The following MORC1 variants were observed in gnomAD, a reference collection of about 807,000 sequenced individuals.
MORC1 encodes the protein MORC family CW-type zinc finger protein 1.
A neutral mutation model predicts 134.9 loss-of-function variants in MORC1; 59 were observed. The observed-to-expected ratio is 0.44, with a 90% CI of 0.35 to 0.54. The LOEUF is 0.54. Among genes scored for constraint, MORC1 ranks in the 20% least tolerant of loss-of-function variants. The pLI, the probability that MORC1 is intolerant of heterozygous loss-of-function variation, is 0.00. For synonymous variants in MORC1, 395 were observed against 391.7 expected (o/e 1.01, Z -0.10); for missense variants, 947 against 1,134.5 (o/e 0.83, Z 2.37).
chr3:109,111,465 G>C, intron 2 of MORC1, among the ~76,000 whole-genome samples: 1 of 152,120 alleles, frequency 6.6e-6, no homozygotes, highest in East Asian at 1.9e-4. Flanking sequence ...CCTCTTCTAG[G>C]TGATGAGAGT....
intron 14 of MORC1, among the ~76,000 whole-genome samples, chr3:109,042,321 T>C (rs1407501494): frequency 6.6e-6 from 1 of 152,188 alleles, no homozygotes; most frequent in African/African-American, 2.4e-5. Context: ...CCAACACGTA[T>C]ATATTTTTTA....
At chr3:109,113,408 G>A (rs1020530045) in intron 2 of MORC1, among the ~76,000 whole-genome samples, 2 of 152,090 alleles carry the variant, frequency 1.3e-5, no homozygotes, top group Non-Finnish European at 2.9e-5. Context: ...TGGATGGCTG[G>A]TTAATTGACT....
Position 109,099,414 on chromosome 3 carries a change from T to A in MORC1, c.367A>T (p.Thr123Ser), listed in dbSNP as rs1156648861. Residue 123 changes from threonine to serine, a missense_variant, in exon 6 of 28, where the codon ACG becomes TCG. Physicochemically the swap from Thr to Ser is moderately conservative, Grantham distance 58. This residue lies in a region of MORC1 where 214 missense variants were observed against 281.3 expected (regional missense o/e 0.76). Coordinates refer to ENST00000232603, the MANE Select transcript of MORC1 (RefSeq NM_014429.4). ...DFILFTKKEETMTCVFFSQTF... is the reference protein window; with the variant it reads ...DFILFTKKEESMTCVFFSQTF... Reference sequence around the variant, plus strand: ...TGAGAAAAAAACACACAGGTCATCGTTTCTTCCTTCTTCGTAAAAAGAATA... The same window carrying A: ...TGAGAAAAAAACACACAGGTCATCGATTCTTCCTTCTTCGTAAAAAGAATA... 6.2e-7 allele frequency: 1 copy of A among 1,613,366 alleles called. No individual in the cohort carries two copies. Among genetic ancestry groups the A allele is most frequent in the Admixed American group, 1.7e-5 (1 of 59,880 alleles).
Position 109,057,462 on chromosome 3 carries a change from G to A in MORC1, c.1056C>T (p.Leu352=). ...CTACGTTCACTCCATAGAACAGGGA[G>A]AGCGTTCTTGCTGTTTTTAATTCTC... is the stretch of plus-strand genomic sequence containing the variant. ...KQRELKTART[L]SLFYGVNVEN... Residue 352 remains leucine, a synonymous_variant, in exon 13 of 28, where the codon CTC becomes CTT. Transcript: ENST00000232603. 1 of 1,600,968 alleles carries A rather than the reference G, an allele frequency of 6.2e-7. No homozygotes were observed. Among genetic ancestry groups the A allele is most frequent in the African/African-American group, 1.3e-5 (1 of 74,544 alleles).
At chr3:109,065,100 C>T (rs1576700513) in intron 9 of MORC1, among the ~76,000 whole-genome samples, 1 of 152,284 alleles carries the variant, frequency 6.6e-6, no homozygotes, top group African/African-American at 2.4e-5. Flanking sequence ...AAGCTCATTT[C>T]TCTCCTAGAA....
chr3:109,093,487 A>C lies in MORC1; in HGVS notation c.638T>G (p.Leu213Trp). The C allele has an allele frequency of 1.2e-6, 2 of 1,613,928 alleles. No individual in the cohort carries two copies. The highest frequency in any genetic ancestry group is 1.7e-6 in the Non-Finnish European group (2 of 1,179,868). ...ATCTTCTTTGTCAGTTTTAACATCC[A>C]ACTCTGGTTCTCCATTAAGCAGAAG... ...LKLLLNGEPE[L>W]DVKTDKEDIL... The change falls in exon 8 of 28, where the codon TTG becomes TGG. Residue 213 changes from leucine (L) to tryptophan (W), a missense_variant. Leu to Trp is a moderately conservative substitution (Grantham distance 61). Coordinates refer to ENST00000232603, the MANE Select transcript of MORC1 (RefSeq NM_014429.4).
At chr3:108,976,151 A>G (rs1055309963) in intron 24 of MORC1, among the ~76,000 whole-genome samples, 23 of 152,206 alleles carry the variant, frequency 1.5e-4, no homozygotes, top group African/African-American at 4.8e-4. Flanking sequence ...ATGAGTATGT[A>G]CAGTAAAAAC....
chr3:109,073,369 G>A (rs899771245), intron 8 of MORC1, among the ~76,000 whole-genome samples: 1 of 151,068 alleles, frequency 6.6e-6, no homozygotes, highest in African/African-American at 2.4e-5. Flanking sequence ...CTGGAAACGT[G>A]AGGTTTTTAA....
At chr3:109,048,757 T>C (rs984591468) in intron 14 of MORC1, among the ~76,000 whole-genome samples, 1 of 152,116 alleles carries the variant, frequency 6.6e-6, no homozygotes, top group African/African-American at 2.4e-5. Context: ...CACCTATCCC[T>C]GGTATGTCTC....
At chr3:109,094,771 TA>T in intron 7 of MORC1, 137 bp downstream of exon 7, 1 of 791,856 alleles carries the variant, frequency 1.3e-6, no homozygotes, top group Non-Finnish European at 1.9e-6. Context: ...CTCATATGGA[TA>T]AAATAAATGA....
chr3:109,037,793 T>G (rs1280609638), intron 14 of MORC1, among the ~76,000 whole-genome samples: 2 of 152,254 alleles, frequency 1.3e-5, no homozygotes, highest in African/African-American at 4.8e-5. Flanking sequence ...TATGGCAGCA[T>G]AGTATTCCAT....
At chr3:109,062,484 G>A (rs571303201) in intron 10 of MORC1, among the ~76,000 whole-genome samples, 6 of 149,668 alleles carry the variant, frequency 4.0e-5, no homozygotes, top group African/African-American at 7.4e-5. Flanking sequence ...GCAGTGGCGC[G>A]ATCTCAGCTC....
At position 108,984,806 on chromosome 3, in the gene MORC1, A is replaced by G. The variant is rs1205577958; in HGVS notation, c.2258-24T>C. Reference sequence around the variant, plus strand: ...TTCTTCAAAAGAACATAGACAAACAATCGCATTTGGATGATCACACAATAA... The same window carrying G: ...TTCTTCAAAAGAACATAGACAAACAGTCGCATTTGGATGATCACACAATAA... On this transcript the variant is annotated intron_variant, in intron 22 of 27. Transcript: ENST00000232603. 3.2e-6 allele frequency: 5 copies of G among 1,586,638 alleles called. No individual in the cohort carries two copies. In the African/African-American group the frequency reaches 5.4e-5, roughly 17 times the overall value.
At chr3:109,004,556 T>C (rs993247466) in intron 20 of MORC1, among the ~76,000 whole-genome samples, 1 of 152,126 alleles carries the variant, frequency 6.6e-6, no homozygotes, top group Non-Finnish European at 1.5e-5. Context: ...AATAAATGTG[T>C]TGTGATTCTT....
intron 17 of MORC1, among the ~76,000 whole-genome samples, chr3:109,027,207 T>C (rs1418735082): frequency 6.6e-6 from 1 of 152,222 alleles, no homozygotes; most frequent in Non-Finnish European, 1.5e-5. Flanking sequence ...AATAAAATAA[T>C]TTTTCTACAT....
chr3:109,060,833 CA>C (rs1379879550), intron 11 of MORC1, among the ~76,000 whole-genome samples: 1 of 151,898 alleles, frequency 6.6e-6, no homozygotes, highest in Non-Finnish European at 1.5e-5. Context: ...CAGCAGAAGG[CA>C]AAAAGGAAGC....
Position 109,007,070 on chromosome 3 carries a change from C to T in MORC1, c.1726G>A (p.Glu576Lys), listed in dbSNP as rs138435095. The T allele has an allele frequency of 1.2e-5, 20 of 1,611,848 alleles. No homozygotes were observed. Among genetic ancestry groups the T allele is most frequent in the South Asian group, 3.3e-5 (3 of 90,690 alleles). The change falls in exon 18 of 28, where the codon GAA becomes AAA. Residue 576 changes from glutamate to lysine, a missense_variant. Glu to Lys is a moderately conservative substitution (Grantham distance 56, BLOSUM62 1). This residue lies in a region of MORC1 where 722 missense variants were observed against 817.0 expected (regional missense o/e 0.88). Coordinates refer to ENST00000232603, the MANE Select transcript of MORC1 (RefSeq NM_014429.4). ...AGGCAGGTGGAAGTGACAGTGATTT[C>T]GTCCACTGGTATAAATTGAGGCTTT... ...QPQPQFIPVDEITVTSTCLTS... is the reference protein window; with the variant it reads ...QPQPQFIPVDKITVTSTCLTS...
rs998874704 is a variant in MORC1 at position 109,046,329 on chromosome 3, T to C, written c.1330+8399A>G. Among the ~76,000 whole-genome samples the C allele has an allele frequency of 3.3e-5, 5 of 152,226 alleles. No individual in the cohort carries two copies. The East Asian group carries it at 9.6e-4, about 29-fold the overall frequency. Reference sequence around the variant, plus strand: ...CTGGGGAAAATTATGTTTCTCCTGGTTCTTTCTTCAAGAAGAAATAAATTT... The same window carrying C: ...CTGGGGAAAATTATGTTTCTCCTGGCTCTTTCTTCAAGAAGAAATAAATTT... On this transcript the variant is annotated intron_variant, in intron 14 of 27. Coordinates refer to ENST00000232603, the MANE Select transcript of MORC1 (RefSeq NM_014429.4).
At chr3:109,064,114 T>C (rs1004768122) in intron 9 of MORC1, among the ~76,000 whole-genome samples, 14 of 152,106 alleles carry the variant, frequency 9.2e-5, no homozygotes, top group Non-Finnish European at 1.6e-4. Flanking sequence ...TAATTTTATG[T>C]TTAAAAAAAC....
Sources: gnomAD v4.1 joint callset for allele counts (sites outside exome capture counted in the v4.1 genomes callset) on GRCh38, gnomAD v4.1.1 for gene constraint, gnomAD v4.1.1 regional missense constraint, MANE v1.5 for transcripts, NCBI Gene and HGNC (gene_info 2026-07-23, HGNC 2026-07-21) for gene names.